The following PCDHA5 variants were observed in gnomAD, a reference collection of about 807,000 sequenced individuals.
PCDHA5 encodes protocadherin alpha-5.
In PCDHA5, 43 loss-of-function variants were observed where a neutral mutation model predicts 61.6. That is an observed-to-expected ratio of 0.70 (90% CI 0.55 to 0.90). PCDHA5 has a LOEUF of 0.90. PCDHA5 is among the 40% of genes least tolerant of loss of function. PCDHA5 has a pLI of 0.00. For synonymous variants in PCDHA5, 627 were observed against 543.9 expected, an observed-to-expected ratio of 1.15 and a Z score of -2.13; for missense variants, 1,298 against 1,222.7, an observed-to-expected ratio of 1.06 and a Z score of -0.92.
chr5:140,867,664 C>T (rs2050091732), intron 1 of PCDHA5: 1 of 152,076 alleles, frequency 6.6e-6, no homozygotes, highest in African/African-American at 2.4e-5. Flanking sequence ...TCACTTTCTA[C>T]TCTAAAATTT....
intron 2 of PCDHA5, among the ~76,000 whole-genome samples, chr5:140,980,556 G>A (rs1355966555): frequency 6.6e-6 from 1 of 152,126 alleles, no homozygotes; most frequent in Non-Finnish European, 1.5e-5. Flanking sequence ...CTTGAACCCG[G>A]GAGGCGGAAG....
intron 3 of PCDHA5, among the ~76,000 whole-genome samples, chr5:140,992,100 A>G (rs1285742519): frequency 6.6e-6 from 1 of 151,526 alleles, no homozygotes; most frequent in African/African-American, 2.4e-5. Context: ...AAAGAGAATT[A>G]AGGTGAGATG....
intron 1 of PCDHA5, among the ~76,000 whole-genome samples, chr5:140,839,694 A>G (rs1199656797): frequency 6.6e-6 from 1 of 152,032 alleles, no homozygotes; most frequent in Non-Finnish European, 1.5e-5. Context: ...TTTTTTGGGT[A>G]AATAATGTGA....
rs2150500833 is a variant in PCDHA5 at position 140,850,862 on chromosome 5, C to T, written c.2352+26735C>T. ...GATCTACAGAGCGAACGGGAGAACCCTCTGCTTCCTCAGATTCAACTGGGA... is the reference window on the plus strand; with the variant it reads ...GATCTACAGAGCGAACGGGAGAACCTTCTGCTTCCTCAGATTCAACTGGGA... On this transcript the variant is annotated intron_variant, in intron 1 of 3. Coordinates refer to ENST00000529859, the MANE Select transcript of PCDHA5 (RefSeq NM_018908.3). The T allele has an allele frequency of 1.9e-6, 3 of 1,592,842 alleles. 1 individual carries two copies. In the African/African-American group the frequency reaches 4.0e-5, roughly 21 times the overall value.
At chr5:140,876,923 C>T in intron 1 of PCDHA5, 1 of 1,613,834 alleles carries the variant, frequency 6.2e-7, no homozygotes. Flanking sequence ...GACGCGGACG[C>T]GCAGAAGAAC....
chr5:140,953,517 A>G (rs1554220954), intron 1 of PCDHA5, among the ~76,000 whole-genome samples: 1 of 152,168 alleles, frequency 6.6e-6, no homozygotes, highest in African/African-American at 2.4e-5. Flanking sequence ...CAAAGCAACA[A>G]AAACGGGAAA....
At chr5:140,872,023 C>G (rs1554166000) in intron 1 of PCDHA5, among the ~76,000 whole-genome samples, 1 of 152,226 alleles carries the variant, frequency 6.6e-6, no homozygotes, top group African/African-American at 2.4e-5. Flanking sequence ...TAGCCTGGAA[C>G]TGCTAAGCTC....
chr5:140,911,760 A>T (rs1295639313), intron 1 of PCDHA5, among the ~76,000 whole-genome samples: 1 of 151,962 alleles, frequency 6.6e-6, no homozygotes, highest in Non-Finnish European at 1.5e-5. Flanking sequence ...TCTCCATACT[A>T]TTAGAAGTAC....
At chr5:140,842,696 G>C in intron 1 of PCDHA5, 1 of 1,595,300 alleles carries the variant, frequency 6.3e-7, no homozygotes, top group Non-Finnish European at 8.6e-7. Context: ...CGCGCAGCCC[G>C]AGTACACGGT....
intron 1 of PCDHA5, chr5:140,966,883 T>A (rs155364): frequency 0.52 from 832,487 of 1,587,228 alleles, 220,297 homozygotes; most frequent in African/African-American, 0.71. Flanking sequence ...TACCTGGCCC[T>A]GCGGCCTCCC....
chr5:140,836,243 C>T (rs1774314325), intron 1 of PCDHA5: 1 of 1,613,760 alleles, frequency 6.2e-7, no homozygotes, highest in African/African-American at 1.3e-5. Context: ...GTGCGAGCAT[C>T]CCGTTCCGCG....
chr5:140,944,133 G>C (rs1051812384), intron 1 of PCDHA5, among the ~76,000 whole-genome samples: 2 of 152,134 alleles, frequency 1.3e-5, no homozygotes, highest in Non-Finnish European at 2.9e-5. Context: ...AGAAAAGGTT[G>C]AAGATTAGAA....
In PCDHA5 at chr5:140,823,479, A is replaced by C; in HGVS notation, c.1704A>C (p.Arg568=). ...ACGCGCCGGCGCTGCTGGTGCCTCG[A>C]GTGGGTGGCACCGGCGGCGCAGTGA... is the stretch of plus-strand genomic sequence containing the variant. ...NDNAPALLVP[R]VGGTGGAVSE... The change falls in exon 1 of 4, where the codon CGA becomes CGC. Residue 568 remains arginine (R), a synonymous_variant. Transcript: ENST00000529859. 1 of 1,613,314 alleles carries C rather than the reference A, an allele frequency of 6.2e-7. No homozygotes were observed. The highest frequency in any genetic ancestry group is 1.3e-5 in the African/African-American group (1 of 75,004).
chr5:140,880,742 G>A, intron 1 of PCDHA5, among the ~76,000 whole-genome samples: 1 of 152,208 alleles, frequency 6.6e-6, no homozygotes, highest in East Asian at 1.9e-4. Flanking sequence ...AAAATGGATT[G>A]TCAGTGTAAC....
At chr5:141,003,988 C>T (rs1554259401) in intron 3 of PCDHA5, among the ~76,000 whole-genome samples, 1 of 152,120 alleles carries the variant, frequency 6.6e-6, no homozygotes, top group African/African-American at 2.4e-5. Context: ...TGCCGGAGAT[C>T]CTAGAAGGGA....
intron 1 of PCDHA5, among the ~76,000 whole-genome samples, chr5:140,833,370 T>C (rs2150208033): frequency 6.6e-6 from 1 of 152,200 alleles, no homozygotes; most frequent in Admixed American, 6.5e-5. Flanking sequence ...GTAAGGTAGA[T>C]CCAAAAAGGA....
Position 141,010,322 on chromosome 5 carries a change from C to G in PCDHA5, c.*385C>G. 6.5e-7 allele frequency: 1 copy of G among 1,540,986 alleles called. No homozygotes were observed. The highest frequency in any genetic ancestry group is 8.7e-7 in the Non-Finnish European group (1 of 1,143,174). Reference sequence around the variant, plus strand: ...GCTGAAAAGTTTTGAGATTGAGCAGCTTGGGAGTTTGTGGCCACTGGGTAT... The same window carrying G: ...GCTGAAAAGTTTTGAGATTGAGCAGGTTGGGAGTTTGTGGCCACTGGGTAT... On this transcript the variant is annotated 3_prime_UTR_variant, in exon 4 of 4. Transcript: ENST00000529859.
intron 1 of PCDHA5, among the ~76,000 whole-genome samples, chr5:140,948,711 C>CT (rs1443735728): frequency 6.8e-6 from 1 of 147,398 alleles, no homozygotes; most frequent in African/African-American, 2.7e-5. Context: ...GTTCTATCCT[C>CT]TTTTTTATCA....
At chr5:140,824,259 T>G (rs2150133705) in intron 1 of PCDHA5, 132 bp downstream of exon 1, 1 of 1,319,986 alleles carries the variant, frequency 7.6e-7, no homozygotes, top group South Asian at 1.3e-5. Flanking sequence ...ATTATTGCAC[T>G]AATTCATGTA....
Sources: allele counts gnomAD v4.1 joint callset (sites outside exome capture counted in the v4.1 genomes callset), GRCh38; gene constraint gnomAD v4.1.1; transcripts MANE v1.5; gene names NCBI Gene and HGNC (gene_info 2026-07-23, HGNC 2026-07-21).